The following RAD51B variants were observed in gnomAD, a reference collection of about 807,000 sequenced individuals.
The protein encoded by RAD51B is RAD51 paralog B.
RAD51B carries 38 observed loss-of-function variants against 42.2 expected under a neutral mutation model. The observed-to-expected ratio is 0.90, with a 90% CI of 0.70 to 1.18. RAD51B has a LOEUF of 1.18. RAD51B is among the 50% of genes most tolerant of loss of function. The pLI is 0.00. For synonymous variants in RAD51B, 154 were observed against 145.2 expected, an observed-to-expected ratio of 1.06 and a Z score of -0.43; for missense variants, 373 against 400.7, an observed-to-expected ratio of 0.93 and a Z score of 0.59.
intron 4 of RAD51B, among the ~76,000 whole-genome samples, chr14:67,846,619 G>T (rs571265967): frequency 2.0e-5 from 3 of 152,266 alleles, no homozygotes; most frequent in South Asian, 4.1e-4. Flanking sequence ...GCCAGTGAAG[G>T]AGCTATGATG....
chr14:67,825,438 A>AAC lies in RAD51B; in HGVS notation c.85-25_85-24insCA, dbSNP rs1566909352. ...GTATCTTTGTTACACATATATGTTT[A>AAC]AAATACTCTCTTTATGTTTCTTTAG... On this transcript the variant is annotated intron_variant, in intron 2 of 10. Coordinates refer to ENST00000471583, the MANE Select transcript of RAD51B (RefSeq NM_133510.4). 9.9e-6 allele frequency: 15 copies of AAC among 1,519,574 alleles called. No individual in the cohort carries two copies. In the South Asian group the frequency reaches 1.6e-4, roughly 16 times the overall value. 94.1% of individuals were successfully genotyped at this position (1,519,574 alleles called of 1,614,324 possible).
At chr14:68,661,793 C>T (rs76071438) in intron 11 of RAD51B, among the ~76,000 whole-genome samples, 4,128 of 152,266 alleles carry the variant, frequency 0.027, 168 homozygotes, top group African/African-American at 0.094. Flanking sequence ...GGGAAGCCAA[C>T]TCACCACCTC....
intron 10 of RAD51B, among the ~76,000 whole-genome samples, chr14:68,580,630 C>G (rs1035145540): frequency 3.3e-5 from 5 of 152,162 alleles, no homozygotes; most frequent in African/African-American, 1.2e-4. Context: ...AGCTGTAGCC[C>G]TTCTTGAACC....
At chr14:67,955,270 C>A (rs2074525198) in intron 7 of RAD51B, among the ~76,000 whole-genome samples, 1 of 152,162 alleles carries the variant, frequency 6.6e-6, no homozygotes, top group Non-Finnish European at 1.5e-5. Flanking sequence ...CTAATTCATG[C>A]TGATGTACAT....
At chr14:67,896,495 A>G (rs756798785) in intron 7 of RAD51B, among the ~76,000 whole-genome samples, 2 of 152,228 alleles carry the variant, frequency 1.3e-5, no homozygotes, top group Non-Finnish European at 1.5e-5. Flanking sequence ...TACACATAGT[A>G]TTACTGTAAT....
intron 1 of RAD51B, among the ~76,000 whole-genome samples, chr14:67,823,337 G>A (rs1394581288): frequency 1.3e-5 from 2 of 152,128 alleles, no homozygotes; most frequent in African/African-American, 4.8e-5. Flanking sequence ...CCTGTTTGAC[G>A]AACAATTGTC....
intron 7 of RAD51B, among the ~76,000 whole-genome samples, chr14:68,048,849 C>T (rs1339947672): frequency 2.6e-5 from 4 of 152,184 alleles, no homozygotes; most frequent in Non-Finnish European, 5.9e-5. Flanking sequence ...CCAGCCATCC[C>T]ATTACTGGGT....
chr14:68,201,790 T>C (rs755411657), intron 7 of RAD51B, among the ~76,000 whole-genome samples: 9 of 152,168 alleles, frequency 5.9e-5, no homozygotes, highest in South Asian at 2.1e-4. Flanking sequence ...TACAAGAATA[T>C]GTAGGATGTT....
chr14:67,945,790 T>C (rs1427059198), intron 7 of RAD51B, among the ~76,000 whole-genome samples: 1 of 152,132 alleles, frequency 6.6e-6, no homozygotes, highest in East Asian at 1.9e-4. Flanking sequence ...AGTTTTAAAT[T>C]GAGGTCCATG....
chr14:68,603,421 A>AT (rs1317713984), intron 10 of RAD51B, among the ~76,000 whole-genome samples: 13 of 152,074 alleles, frequency 8.5e-5, no homozygotes, highest in South Asian at 2.1e-4. Flanking sequence ...CTTCTATGGG[A>AT]TTTTTTATAC....
rs949888375 is a variant in RAD51B, at chr14:68,658,966, A to T, written c.*11+8110A>T. Among the ~76,000 whole-genome samples, 3 of 152,196 alleles carry T rather than the reference A, an allele frequency of 2.0e-5. No homozygotes were observed. In the East Asian group the frequency reaches 5.8e-4, roughly 29 times the overall value. ...AGGATGTCACTCCCTGCACAGCACA[A>T]CCACTCAGGAGAGAGGGGCGGGAGG... On this transcript the variant is annotated intron_variant, in intron 11 of 11. Transcript: ENST00000488612.
chr14:68,579,061 C>T (rs1890096639), intron 10 of RAD51B, among the ~76,000 whole-genome samples: 1 of 152,170 alleles, frequency 6.6e-6, no homozygotes, highest in African/African-American at 2.4e-5. Context: ...GGTCTCCTGG[C>T]AGTCACTGAT....
At chr14:68,640,053 C>G (rs1211256081) in intron 10 of RAD51B, among the ~76,000 whole-genome samples, 1 of 152,174 alleles carries the variant, frequency 6.6e-6, no homozygotes, top group Non-Finnish European at 1.5e-5. Flanking sequence ...CCACCCACCT[C>G]AGCCTCCCAA....
At chr14:68,469,159 T>C (rs1213269265) in intron 10 of RAD51B, 1 of 498,232 alleles carries the variant, frequency 2.0e-6, no homozygotes, top group Non-Finnish European at 4.1e-6. Flanking sequence ...GAGCATATTG[T>C]CACTGCTGTC....
intron 7 of RAD51B, among the ~76,000 whole-genome samples, chr14:67,926,861 G>A (rs991781271): frequency 6.6e-6 from 1 of 152,000 alleles, no homozygotes; most frequent in Non-Finnish European, 1.5e-5. Context: ...CACGCCTGGC[G>A]GAGATATGTT....
intron 7 of RAD51B, among the ~76,000 whole-genome samples, chr14:68,081,472 G>A (rs757593607): frequency 1.3e-5 from 2 of 152,086 alleles, no homozygotes; most frequent in Admixed American, 6.6e-5. Context: ...GAGTGAGGGC[G>A]GAGTCCTATT....
chr14:68,457,185 T>C (rs2085717654), intron 9 of RAD51B, among the ~76,000 whole-genome samples: 1 of 151,998 alleles, frequency 6.6e-6, no homozygotes, highest in African/African-American at 2.4e-5. Flanking sequence ...AGTGCTGGTA[T>C]TATAGATGTG....
intron 7 of RAD51B, among the ~76,000 whole-genome samples, chr14:68,181,109 G>A (rs2079053725): frequency 1.3e-5 from 2 of 152,210 alleles, no homozygotes; most frequent in South Asian, 4.1e-4. Flanking sequence ...GATTTGATTT[G>A]AAGGTGGGTT....
chr14:68,066,247 T>G (rs1008271519), intron 7 of RAD51B, among the ~76,000 whole-genome samples: 3 of 152,154 alleles, frequency 2.0e-5, no homozygotes, highest in Non-Finnish European at 2.9e-5. Flanking sequence ...AGAACATGAT[T>G]TCATATATTT....
Sources: gnomAD v4.1 joint callset for allele counts (sites outside exome capture counted in the v4.1 genomes callset) on GRCh38, gnomAD v4.1.1 for gene constraint, MANE v1.5 for transcripts, NCBI Gene and HGNC (gene_info 2026-07-23, HGNC 2026-07-21) for gene names.